NCOR2: variants seen among roughly 807,000 people sequenced by gnomAD.
The protein encoded by NCOR2 is CTG repeat protein 26.
A neutral mutation model predicts 262.9 loss-of-function variants in NCOR2; 81 were observed. That is an observed-to-expected ratio of 0.31 (90% confidence interval 0.26 to 0.37). NCOR2 has a LOEUF of 0.37. NCOR2 is among the 10% of genes least tolerant of loss of function. NCOR2 has a pLI of 1.00. For synonymous variants in NCOR2, 1,659 were observed against 1,559.3 expected (o/e 1.06, Z -1.51); for missense variants, 3,385 against 3,621.4 (o/e 0.93, Z 1.68).
intron 22 of NCOR2, among the ~76,000 whole-genome samples, chr12:124,360,285 G>A (rs1053230584): frequency 6.6e-6 from 1 of 152,212 alleles, no homozygotes; most frequent in Non-Finnish European, 1.5e-5. Flanking sequence ...TGGTCATGGG[G>A]CATCCCAGTT....
intron 16 of NCOR2, among the ~76,000 whole-genome samples, chr12:124,388,174 G>A (rs1332841119): frequency 6.6e-6 from 1 of 152,100 alleles, no homozygotes; most frequent in Admixed American, 6.5e-5. Context: ...GCCAGAGCTC[G>A]CTAGCAGTCT....
At chr12:124,413,671 A>T (rs1230379897) in intron 13 of NCOR2, among the ~76,000 whole-genome samples, 2 of 152,132 alleles carry the variant, frequency 1.3e-5, no homozygotes, top group Non-Finnish European at 2.9e-5. Flanking sequence ...GCAACCCAGG[A>T]GAGAGGGGCT....
chr12:124,385,123 C>G (rs1281945670), intron 17 of NCOR2, among the ~76,000 whole-genome samples: 1 of 152,176 alleles, frequency 6.6e-6, no homozygotes. Flanking sequence ...CCAGAAACAG[C>G]TGTGGAAGAA....
chr12:124,367,738 T>A (rs1217895214), intron 20 of NCOR2, among the ~76,000 whole-genome samples: 1 of 152,212 alleles, frequency 6.6e-6, no homozygotes, highest in East Asian at 1.9e-4. Flanking sequence ...GCTCAAGTGA[T>A]CCTCCTGCCT....
At chr12:124,380,975 T>C (rs2040370230) in intron 17 of NCOR2, among the ~76,000 whole-genome samples, 1 of 152,146 alleles carries the variant, frequency 6.6e-6, no homozygotes, top group Non-Finnish European at 1.5e-5. Flanking sequence ...ATGCCTGACG[T>C]TTATTAAGCA....
chr12:124,342,630 A>C (rs1198676350), intron 33 of NCOR2, among the ~76,000 whole-genome samples: 2 of 152,172 alleles, frequency 1.3e-5, no homozygotes, highest in Non-Finnish European at 2.9e-5. Context: ...GGCCTCCCAA[A>C]GTGCTGGGAT....
intron 29 of NCOR2, 88 bp from the exon 32 acceptor site, chr12:124,347,999 G>A: frequency 1.4e-6 from 2 of 1,470,634 alleles, no homozygotes; most frequent in Non-Finnish European, 1.9e-6. Context: ...AGCCGCCAGT[G>A]GTCATCCCCA....
chr12:124,486,703 CA>C, intron 1 of NCOR2, 135 bp from the exon 4 acceptor site: 1 of 1,090,826 alleles, frequency 9.2e-7, no homozygotes, highest in East Asian at 2.8e-5. Context: ...CCAAGTCCTG[CA>C]GGGAACCTCA....
intron 12 of NCOR2, among the ~76,000 whole-genome samples, 166 bp downstream of exon 14, chr12:124,422,335 C>G (rs1462399859): frequency 6.6e-6 from 1 of 152,192 alleles, no homozygotes; most frequent in South Asian, 2.1e-4. Context: ...TGATCTATCT[C>G]CCAGATGGAA....
chr12:124,343,786 C>T (rs138286945), intron 32 of NCOR2, among the ~76,000 whole-genome samples: 337 of 152,216 alleles, frequency 2.2e-3, no homozygotes, highest in African/African-American at 7.8e-3. Flanking sequence ...ACCACCACAC[C>T]CGGTTATTTT....
At chr12:124,328,309 C>T (rs942028353) in intron 44 of NCOR2, among the ~76,000 whole-genome samples, 4 of 152,178 alleles carry the variant, frequency 2.6e-5, no homozygotes, top group African/African-American at 9.7e-5. Flanking sequence ...CAGAGACGGA[C>T]GCTGAGGGCG....
exon 20 of NCOR2, chr12:124,372,147 C>G: frequency 6.2e-7 from 1 of 1,601,642 alleles, no homozygotes; most frequent in Non-Finnish European, 8.5e-7. Flanking sequence ...CCTCCTTCTT[C>G]TCTGCCTTGA....
intron 1 of NCOR2, among the ~76,000 whole-genome samples, chr12:124,532,162 TGCTTAGTGCACGCATA>T (rs1296088846): frequency 6.6e-6 from 1 of 152,094 alleles, no homozygotes; most frequent in Non-Finnish European, 1.5e-5. Flanking sequence ...TTCCACAAAG[TGCTTAGTGCACGCATA>T]GCGAGTGTCG....
chr12:124,377,660 G>C (rs1056963765), intron 18 of NCOR2, among the ~76,000 whole-genome samples: 3 of 151,878 alleles, frequency 2.0e-5, no homozygotes, highest in Non-Finnish European at 4.4e-5. Context: ...CCAACATGGC[G>C]AAACCCCATC....
upstream of NCOR2, chr12:124,495,443 C>T (rs1428876597): frequency 3.3e-5 from 39 of 1,190,190 alleles, no homozygotes; most frequent in African/African-American, 4.6e-5. This position sits in a 1 kb window ranked among gnomAD's most constrained non-coding sequence, Gnocchi z 4.4. Context: ...GTCCCCGAGT[C>T]GTTCCTGTGG....
rs1252761978 is a variant in NCOR2 at position 124,429,725 on chromosome 12, C to T, written c.1056-19G>A. On this transcript the variant is annotated intron_variant, in intron 9 of 46. Coordinates refer to ENST00000405201, the Ensembl canonical transcript of NCOR2. ...CACCCTGCTGGGGACCAAGGGGACACACTCAGGACCGGTCTTCTGGTGGTC... is the reference window on the plus strand; with the variant it reads ...CACCCTGCTGGGGACCAAGGGGACATACTCAGGACCGGTCTTCTGGTGGTC... 2.5e-6 allele frequency: 4 copies of T among 1,583,232 alleles called. No homozygotes were observed. Among genetic ancestry groups the T allele is most frequent in the Non-Finnish European group, 3.4e-6 (4 of 1,164,298 alleles).
intron 1 of NCOR2, among the ~76,000 whole-genome samples, chr12:124,530,814 G>T (rs111842384): frequency 6.6e-6 from 1 of 152,194 alleles, no homozygotes; most frequent in African/African-American, 2.4e-5. Flanking sequence ...CCAGCTGCAG[G>T]CCCCAGCATA....
rs116665910 is a variant in NCOR2 at position 124,404,550 on chromosome 12, G to A, written c.1483-1989C>T. Reference sequence around the variant, plus strand: ...CCATGGACCAACGAATCAGGCTAATGTCTGCTCCGGCATGGCCAGTAAATG... The same window carrying A: ...CCATGGACCAACGAATCAGGCTAATATCTGCTCCGGCATGGCCAGTAAATG... On this transcript the variant is annotated intron_variant, in intron 13 of 46. Coordinates refer to ENST00000405201, the Ensembl canonical transcript of NCOR2. Among the ~76,000 whole-genome samples the A allele has an allele frequency of 3.3e-3, 505 of 152,328 alleles. 4 individuals carry two copies. The highest frequency in any genetic ancestry group is 0.011 in the African/African-American group (471 of 41,582).
chr12:124,325,374 A>ACTGC, exon 47 of NCOR2: 2 of 316,292 alleles, frequency 6.3e-6, no homozygotes, highest in East Asian at 1.2e-4. Flanking sequence ...GGGACCTGAC[A>ACTGC]CCGCCCCCCC....
Sources: gnomAD v4.1 joint callset for allele counts (sites outside exome capture counted in the v4.1 genomes callset) on GRCh38, gnomAD v4.1.1 for gene constraint, Gnocchi (gnomAD v3.1) non-coding constraint, MANE v1.5 for transcripts, NCBI Gene and HGNC (gene_info 2026-07-23, HGNC 2026-07-21) for gene names.